Variants in SH3RF3 observed in about 807,000 individuals in gnomAD.
The protein encoded by SH3RF3 is SH3 domain containing ring finger 3, also known as E3 ubiquitin-protein ligase SH3RF3.
In SH3RF3, 29 loss-of-function variants were observed where a neutral mutation model predicts 66.3. The ratio of observed to expected loss-of-function variants is 0.44; its 90% confidence interval spans 0.33 to 0.60. The LOEUF (loss-of-function observed/expected upper bound fraction) is 0.60, where lower values mean the gene tolerates loss of function less well. Ranked by LOEUF, SH3RF3 falls within the 20% of genes least tolerant of loss-of-function variation. SH3RF3 has a pLI of 0.04. For synonymous variants in SH3RF3, 583 were observed against 532.0 expected (o/e 1.10, Z -1.32); for missense variants, 1,194 against 1,190.9 (o/e 1.00, Z -0.04).
At chr2:109,221,762 C>T (rs1679249423) in intron 1 of SH3RF3, among the ~76,000 whole-genome samples, 2 of 151,930 alleles carry the variant, frequency 1.3e-5, no homozygotes, top group South Asian at 4.2e-4. Context: ...TTGGTGGGAA[C>T]ATAAATAAGG....
At chr2:109,298,128 C>T (rs1354953133) in intron 1 of SH3RF3, among the ~76,000 whole-genome samples, 1 of 152,154 alleles carries the variant, frequency 6.6e-6, no homozygotes, top group African/African-American at 2.4e-5. Flanking sequence ...GTGAATAGGG[C>T]ATTGTGGCAG....
intron 8 of SH3RF3, among the ~76,000 whole-genome samples, chr2:109,477,641 T>G (rs893042656): frequency 7.3e-6 from 1 of 137,416 alleles, no homozygotes; most frequent in African/African-American, 2.6e-5. Context: ...TGTGTGTGTG[T>G]GTTGGTGAGG....
chr2:109,346,444 G>T lies in SH3RF3; in HGVS notation c.574-1230G>T, dbSNP rs557744224. ...ACTGAAGAACTCCTTGGCATAGGCAGCCCTGGTGAGAAAATGCGGCTTCTG... is the reference window on the plus strand; with the variant it reads ...ACTGAAGAACTCCTTGGCATAGGCATCCCTGGTGAGAAAATGCGGCTTCTG... On this transcript the variant is annotated intron_variant, in intron 1 of 9. Transcript: ENST00000309415. Among the ~76,000 whole-genome samples, 3 of 152,298 alleles carry T rather than the reference G, an allele frequency of 2.0e-5. No homozygotes were observed. The South Asian group carries it at 6.2e-4, about 32-fold the overall frequency.
intron 9 of SH3RF3, among the ~76,000 whole-genome samples, chr2:109,493,971 A>G (rs1161181131): frequency 6.6e-6 from 1 of 152,102 alleles, no homozygotes; most frequent in African/African-American, 2.4e-5. Flanking sequence ...ACCTCCCTTC[A>G]TGGGACCAAC....
In SH3RF3 at chr2:109,371,783, G is replaced by A. The variant is rs1334875757; in HGVS notation, c.945+102G>A. ...TCAAGCCCCTTTTCTAAGAGAGAAA[G>A]AGGATCCTCCACAATAGCCTCTGGC... On this transcript the variant is annotated intron_variant, in intron 3 of 9. Transcript: ENST00000309415. 1.3e-5 allele frequency: 13 copies of A among 970,166 alleles called. No individual in the cohort carries two copies. The East Asian group carries it at 3.4e-4, about 25-fold the overall frequency. The allele number at this position is 970,166 out of a possible 1,614,324, so 60.1% of individuals were successfully genotyped here. A position where few individuals can be genotyped will look rare whatever the true frequency, so the allele number is the denominator to read the frequency against.
intron 2 of SH3RF3, among the ~76,000 whole-genome samples, chr2:109,358,139 C>A (rs1377621014): frequency 6.6e-6 from 1 of 152,242 alleles, no homozygotes; most frequent in Non-Finnish European, 1.5e-5. Context: ...CGGTTGAAAT[C>A]ATACAATATG....
intron 1 of SH3RF3, among the ~76,000 whole-genome samples, chr2:109,198,834 G>A (rs990169075): frequency 6.6e-6 from 1 of 152,158 alleles, no homozygotes; most frequent in Admixed American, 6.5e-5. Flanking sequence ...TGTGTTCCCC[G>A]GCTGCAGACC....
chr2:109,383,222 T>C (rs145869947), intron 3 of SH3RF3, among the ~76,000 whole-genome samples: 168 of 152,362 alleles, frequency 1.1e-3, no homozygotes, highest in African/African-American at 4.0e-3. Context: ...GCAGCACTTC[T>C]TGGCTGAGGT....
intron 8 of SH3RF3, among the ~76,000 whole-genome samples, chr2:109,475,624 C>T (rs1475360031): frequency 6.6e-6 from 1 of 152,250 alleles, no homozygotes; most frequent in Non-Finnish European, 1.5e-5. Flanking sequence ...AGATAATCCT[C>T]TGTTTTGAGG....
intron 1 of SH3RF3, among the ~76,000 whole-genome samples, chr2:109,267,686 G>A (rs981036600): frequency 6.6e-6 from 1 of 152,170 alleles, no homozygotes; most frequent in Non-Finnish European, 1.5e-5. Context: ...AGCCCCACCC[G>A]TGATCCCCTT....
At chr2:109,409,356 C>T (rs1676529324) in intron 4 of SH3RF3, among the ~76,000 whole-genome samples, 1 of 152,148 alleles carries the variant, frequency 6.6e-6, no homozygotes, top group Non-Finnish European at 1.5e-5. Context: ...TAGTATCTGC[C>T]GCAGTGACTC....
chr2:109,153,631 A>G (rs2104879742), intron 1 of SH3RF3, among the ~76,000 whole-genome samples: 1 of 152,274 alleles, frequency 6.6e-6, no homozygotes, highest in Admixed American at 6.5e-5. Flanking sequence ...AGAGTGTGGC[A>G]TAGTAAAACA....
In SH3RF3 at chr2:109,398,923, T is replaced by A. The variant is rs1219751056; in HGVS notation, c.1279T>A (p.Ser427Thr). ...CAGGATTGGAGACCTTGCTCATCTG[T>A]CGTGCGCTGCTCCCACCCAGGTAAC... is the stretch of plus-strand genomic sequence containing the variant. ...AARIGDLAHLSCAAPTQDVSS... is the reference protein window; with the variant it reads ...AARIGDLAHLTCAAPTQDVSS... Residue 427 changes from serine to threonine, a missense_variant, in exon 4 of 10, where the codon TCG becomes ACG. Coordinates refer to ENST00000309415, the MANE Select transcript of SH3RF3 (RefSeq NM_001099289.3). The A allele has an allele frequency of 6.2e-7, 1 of 1,612,560 alleles. No homozygotes were observed. The highest frequency in any genetic ancestry group is 8.5e-7 in the Non-Finnish European group (1 of 1,179,760).
At chr2:109,259,223 A>G (rs1680294700) in intron 1 of SH3RF3, among the ~76,000 whole-genome samples, 2 of 152,214 alleles carry the variant, frequency 1.3e-5, no homozygotes, top group South Asian at 4.1e-4. Flanking sequence ...CATGGGTCGG[A>G]TTAAAGGGTG....
chr2:109,369,575 G>A (rs551680506), intron 2 of SH3RF3, among the ~76,000 whole-genome samples: 35 of 152,264 alleles, frequency 2.3e-4, no homozygotes, highest in African/African-American at 7.9e-4. Flanking sequence ...GAAGCTGGGG[G>A]TTGGGGGAGA....
intron 1 of SH3RF3, among the ~76,000 whole-genome samples, chr2:109,151,491 G>A (rs1030931832): frequency 1.3e-5 from 2 of 152,198 alleles, no homozygotes; most frequent in African/African-American, 4.8e-5. Flanking sequence ...TGGTAGCCAC[G>A]TCACAAATGG....
chr2:109,207,822 T>TA (rs1370612449), intron 1 of SH3RF3, among the ~76,000 whole-genome samples: 1 of 152,104 alleles, frequency 6.6e-6, no homozygotes, highest in Non-Finnish European at 1.5e-5. Flanking sequence ...TTTTCTTTTT[T>TA]AAAAAAAATT....
chr2:109,319,777 C>G (rs1681978879), intron 1 of SH3RF3, among the ~76,000 whole-genome samples: 1 of 152,270 alleles, frequency 6.6e-6, no homozygotes, highest in South Asian at 2.1e-4. Flanking sequence ...TGTTTCCCTT[C>G]ACTGCCCAGT....
chr2:109,235,245 A>G (rs1679617762), intron 1 of SH3RF3, among the ~76,000 whole-genome samples: 1 of 152,182 alleles, frequency 6.6e-6, no homozygotes, highest in African/African-American at 2.4e-5. Flanking sequence ...AACCCTGAAT[A>G]GTTCTGGGAG....
Sources: allele counts gnomAD v4.1 joint callset (sites outside exome capture counted in the v4.1 genomes callset), GRCh38; gene constraint gnomAD v4.1.1; transcripts MANE v1.5; gene names NCBI Gene and HGNC (gene_info 2026-07-23, HGNC 2026-07-21).